Variants in SDC3 observed in about 807,000 individuals in gnomAD.
SDC3 encodes the protein syndecan 3, also known as syndecan-3.
Under a neutral mutation model 24.4 loss-of-function variants are expected in SDC3, and 13 were observed. The ratio of observed to expected loss-of-function variants is 0.53; its 90% CI spans 0.35 to 0.85. The LOEUF (loss-of-function observed/expected upper bound fraction) is 0.85, where lower values mean the gene tolerates loss of function less well. SDC3 is among the 40% of genes least tolerant of loss of function. The pLI is 0.01. For synonymous variants in SDC3, 295 were observed against 260.9 expected (o/e 1.13, Z -1.26); for missense variants, 571 against 584.5 (o/e 0.98, Z 0.24).
At chr1:30,898,269 C>A (rs1465349758) in intron 1 of SDC3, among the ~76,000 whole-genome samples, 1 of 152,168 alleles carries the variant, frequency 6.6e-6, no homozygotes, top group Non-Finnish European at 1.5e-5. Flanking sequence ...CAGACTTTGT[C>A]CATCCTAGTC....
In SDC3 at chr1:30,883,755, C is replaced by T. The variant is rs189811897; in HGVS notation, c.139-5015G>A. Among the ~76,000 whole-genome samples, 51 of 152,206 alleles carry T rather than the reference C, an allele frequency of 3.4e-4. 2 individuals are homozygous for T. In the East Asian group the frequency reaches 8.9e-3, roughly 26 times the overall value. ...GAGGCACAGAGAGGGGAAAGCCTTG[C>T]TTATCACGAAAGGAGGGGGCGGGGT... On this transcript the variant is annotated intron_variant, in intron 1 of 4. Coordinates refer to ENST00000339394, the MANE Select transcript of SDC3 (RefSeq NM_014654.4).
chr1:30,903,446 C>T (rs1038814903), intron 1 of SDC3, among the ~76,000 whole-genome samples: 3 of 152,194 alleles, frequency 2.0e-5, no homozygotes, highest in African/African-American at 7.2e-5. Context: ...TGTACACATG[C>T]ACGCACACAC....
intron 1 of SDC3, among the ~76,000 whole-genome samples, chr1:30,893,238 C>A (rs1371261548): frequency 6.7e-6 from 1 of 150,312 alleles, no homozygotes; most frequent in African/African-American, 2.4e-5. Flanking sequence ...GTTCCTCCCT[C>A]CCACAGCATG....
At chr1:30,874,223 C>T in intron 4 of SDC3, 74 bp downstream of exon 4, 1 of 1,301,930 alleles carries the variant, frequency 7.7e-7, no homozygotes, top group South Asian at 1.4e-5. Flanking sequence ...TTCCTAGAGG[C>T]AAACTGAGGC....
chr1:30,878,551 G>T, intron 2 of SDC3, 72 bp downstream of exon 2: 1 of 1,273,722 alleles, frequency 7.9e-7, no homozygotes, highest in Non-Finnish European at 1.1e-6. Flanking sequence ...GCCCCCCGTG[G>T]GCTTCTCAGA....
At chr1:30,891,050 C>T (rs998351132) in intron 1 of SDC3, among the ~76,000 whole-genome samples, 8 of 152,204 alleles carry the variant, frequency 5.3e-5, no homozygotes, top group African/African-American at 1.7e-4. Context: ...CCCCAACCCT[C>T]GACCCCAGCA....
At chr1:30,877,188 G>A in intron 2 of SDC3, 23 bp from the exon 3 acceptor site, 1 of 1,613,350 alleles carries the variant, frequency 6.2e-7, no homozygotes, top group Non-Finnish European at 8.5e-7. Flanking sequence ...GGGAGAGGGA[G>A]AGAGCTAGGG....
At position 30,876,970 on chromosome 1, in the gene SDC3, T is replaced by G. The variant is rs1488805649; in HGVS notation, c.452A>C (p.Glu151Ala). The change falls in exon 3 of 5, where the codon GAG becomes GCG. Residue 151 changes from glutamate (E) to alanine (A), a missense_variant. Glu to Ala is a moderately radical substitution (Grantham distance 107). Around this residue, in one of 2 missense-constraint regions of SDC3, gnomAD observed 497 missense variants for 471.6 expected, o/e 1.05. Transcript: ENST00000339394. ...SPLVVTEVPE[E>A]PSQRATTVST... ...GACGGTGGTGGCTCTCTGGCTGGGC[T>G]CTTCCGGGACTTCTGTCACCACCAG... The G allele has an allele frequency of 1.2e-6, 2 of 1,613,462 alleles. No individual in the cohort carries two copies. The highest frequency in any genetic ancestry group is 3.3e-5 in the Admixed American group (2 of 59,996).
Position 30,908,589 on chromosome 1 carries a change from C to A in SDC3, c.-3G>T. 2.1e-6 allele frequency: 2 copies of A among 974,614 alleles called. No homozygotes were observed. Among genetic ancestry groups the A allele is most frequent in the Non-Finnish European group, 2.4e-6 (2 of 824,860 alleles). 60.4% of individuals were successfully genotyped at this position (974,614 alleles called of 1,614,324 possible). On this transcript the variant is annotated 5_prime_UTR_variant, in exon 1 of 5. Coordinates refer to ENST00000339394, the MANE Select transcript of SDC3 (RefSeq NM_014654.4). Reference sequence around the variant, plus strand: ...CGGTGCGGCGGCCCCGGCTTCATGGCGGCGGCGCGGGCGCGGGCGGCGGGC... The same window carrying A: ...CGGTGCGGCGGCCCCGGCTTCATGGAGGCGGCGCGGGCGCGGGCGGCGGGC...
Position 30,908,646 on chromosome 1 carries a change from G to T in SDC3, c.-60C>A. 1.6e-6 allele frequency: 1 copy of T among 632,478 alleles called. No individual in the cohort carries two copies. Among genetic ancestry groups the T allele is most frequent in the Non-Finnish European group, 2.0e-6 (1 of 510,790 alleles). 39.2% of individuals were successfully genotyped at this position (632,478 alleles called of 1,614,324 possible). On this transcript the variant is annotated 5_prime_UTR_variant, in exon 1 of 5. Coordinates refer to ENST00000339394, the MANE Select transcript of SDC3 (RefSeq NM_014654.4). ...CGGGCGCCTTTGTTCCCGAGGCGCGGCGCGCGGGGCGGCTGCTTGGCGGCG... is the reference window on the plus strand; with the variant it reads ...CGGGCGCCTTTGTTCCCGAGGCGCGTCGCGCGGGGCGGCTGCTTGGCGGCG...
upstream of SDC3, chr1:30,908,799 C>A (rs1638591452): frequency 6.9e-6 from 1 of 145,968 alleles, no homozygotes; most frequent in African/African-American, 2.5e-5. Context: ...CCGCCGCCGC[C>A]GCCGGGCCGC....
At chr1:30,905,356 A>AACAC (rs74721441) in intron 1 of SDC3, among the ~76,000 whole-genome samples, 16,946 of 76,988 alleles carry the variant, frequency 0.22, 1,851 homozygotes, top group East Asian at 0.51. Flanking sequence ...CTCTCTCACA[A>AACAC]ACACACACAC....
At chr1:30,902,852 T>A (rs954755098) in intron 1 of SDC3, among the ~76,000 whole-genome samples, 6 of 152,276 alleles carry the variant, frequency 3.9e-5, no homozygotes, top group Middle Eastern at 3.4e-3. Flanking sequence ...AGCCTCACTG[T>A]CCCCAACCCA....
chr1:30,893,074 G>A (rs562829048), intron 1 of SDC3, among the ~76,000 whole-genome samples: 8 of 152,098 alleles, frequency 5.3e-5, no homozygotes, highest in Non-Finnish European at 8.8e-5. Context: ...CATTTATCAC[G>A]GCCATCCCCT....
At chr1:30,889,138 G>C (rs542167766) in intron 1 of SDC3, among the ~76,000 whole-genome samples, 1 of 152,316 alleles carries the variant, frequency 6.6e-6, no homozygotes, top group South Asian at 2.1e-4. Context: ...ACGCGACTCT[G>C]GGCAAGTCAG....
intron 1 of SDC3, among the ~76,000 whole-genome samples, chr1:30,888,455 C>G (rs1477268874): frequency 6.6e-6 from 1 of 152,220 alleles, no homozygotes; most frequent in Non-Finnish European, 1.5e-5. Context: ...AGAGAACCTG[C>G]TGGAGTCAGC....
intron 3 of SDC3, 42 bp downstream of exon 3, chr1:30,876,485 TCCTCCTCATCCCTCCCCTGACCCAC>T: frequency 7.3e-7 from 1 of 1,371,472 alleles, no homozygotes; most frequent in Non-Finnish European, 9.8e-7. Context: ...TCCAGCCCCA[TCCTCCTCATCCCTCCCCTGACCCAC>T]CCTCCTCCGC....
Position 30,877,118 on chromosome 1 carries a change from C to T in SDC3, c.304G>A (p.Asp102Asn). 1 of 1,613,966 alleles carries T rather than the reference C, an allele frequency of 6.2e-7. No homozygotes were observed. Among genetic ancestry groups the T allele is most frequent in the Non-Finnish European group, 8.5e-7 (1 of 1,179,994 alleles). The change falls in exon 3 of 5, where the codon GAT becomes AAT. Residue 102 changes from aspartate (D) to asparagine (N), a missense_variant. By Grantham distance (23) the Asp-to-Asn change is conservative. Transcript: ENST00000339394. Reference protein sequence around the residue: ...GIETAMRFSPDVALAVSTTPA... With the variant: ...GIETAMRFSPNVALAVSTTPA... ...GTGGTGGACACCGCCAGGGCTACAT[C>T]TGGGCTGAAGCGCATGGCTGTCTCA...
intron 1 of SDC3, among the ~76,000 whole-genome samples, chr1:30,879,479 C>T (rs547832085): frequency 1.3e-5 from 2 of 152,228 alleles, no homozygotes; most frequent in African/African-American, 4.8e-5. Context: ...CCAACTTTTC[C>T]CCAGCTCCCC....
Sources: allele counts gnomAD v4.1 joint callset (sites outside exome capture counted in the v4.1 genomes callset), GRCh38; gene constraint gnomAD v4.1.1; regional missense constraint gnomAD v4.1.1; transcripts MANE v1.5; gene names NCBI Gene and HGNC (gene_info 2026-07-23, HGNC 2026-07-21).